The following TRAF3IP2 variants were observed in gnomAD, a reference collection of about 807,000 sequenced individuals.
TRAF3IP2 encodes the protein E3 ubiquitin ligase TRAF3IP2.
TRAF3IP2 carries 35 observed loss-of-function variants against 57.9 expected under a neutral mutation model. The ratio of observed to expected loss-of-function variants is 0.60; its 90% CI spans 0.46 to 0.80. The LOEUF is 0.80. TRAF3IP2 is among the 30% of genes least tolerant of loss of function. The pLI, the probability that TRAF3IP2 is intolerant of heterozygous loss-of-function variation, is 0.00. For synonymous variants in TRAF3IP2, 251 were observed against 268.9 expected, an observed-to-expected ratio of 0.93 and a Z score of 0.65; for missense variants, 556 against 706.4, an observed-to-expected ratio of 0.79 and a Z score of 2.41.
intron 5 of TRAF3IP2, 167 bp downstream of exon 5, chr6:111,572,728 A>T (rs1193162612): frequency 4.7e-6 from 3 of 640,418 alleles, no homozygotes; most frequent in Non-Finnish European, 8.0e-6. Flanking sequence ...AGATAGCTTA[A>T]AATCTAGAAA....
Position 111,591,200 on chromosome 6 carries a change from G to A in TRAF3IP2, c.829+58C>T. On this transcript the variant is annotated intron_variant, in intron 2 of 8. Transcript: ENST00000368761. The surrounding 1 kb of genome is among the most constrained non-coding windows in gnomAD (Gnocchi z 4.9). ...TAGTGACACGAAGCATTGATGTGAG[G>A]CCCTTGTTTCTTCAGTCACCCAGCC... 2 of 1,332,088 alleles carry A rather than the reference G, an allele frequency of 1.5e-6. No individual in the cohort carries two copies. The allele number at this position is 1,332,088 out of a possible 1,614,324, so 82.5% of individuals were successfully genotyped here.
At chr6:111,569,196 G>A (rs139908498) in intron 5 of TRAF3IP2, among the ~76,000 whole-genome samples, 5 of 152,334 alleles carry the variant, frequency 3.3e-5, no homozygotes, top group African/African-American at 1.2e-4. Flanking sequence ...TTCTGAGACT[G>A]TGTCACTAAT....
At chr6:111,604,506 G>A (rs1443106687) in intron 1 of TRAF3IP2, among the ~76,000 whole-genome samples, 2 of 152,240 alleles carry the variant, frequency 1.3e-5, no homozygotes, top group Non-Finnish European at 2.9e-5. Flanking sequence ...TCCTTCCTGG[G>A]TAACCCAAAT....
At position 111,567,635 on chromosome 6, in the gene TRAF3IP2, A is replaced by G; in HGVS notation, c.1348T>C (p.Tyr450His). The stretch of plus-strand genomic sequence containing the variant: ...TGGAATGTACTTACATCCCTAAGGT[A>G]GCGCTCCATCCATTTAATGATATCA... ...GIDIIKWMERYLRDKTVMIIV... is the reference protein window; with the variant it reads ...GIDIIKWMERHLRDKTVMIIV... The change falls in exon 6 of 9, where the codon TAC becomes CAC. Residue 450 changes from tyrosine to histidine, a missense_variant. Around this residue, in one of 2 missense-constraint regions of TRAF3IP2, gnomAD observed 128 missense variants for 207.7 expected, o/e 0.62. Transcript: ENST00000368761. 4.3e-6 allele frequency: 7 copies of G among 1,610,824 alleles called. No homozygotes were observed. The highest frequency in any genetic ancestry group is 5.9e-6 in the Non-Finnish European group (7 of 1,178,766).
At chr6:111,560,880 A>T (rs539507576) in intron 8 of TRAF3IP2, among the ~76,000 whole-genome samples, 68 of 152,176 alleles carry the variant, frequency 4.5e-4, no homozygotes, top group Non-Finnish European at 7.8e-4. Flanking sequence ...ATATATCAGC[A>T]TGAAGGTAAA....
At chr6:111,564,646 T>G (rs1795565061) in intron 7 of TRAF3IP2, among the ~76,000 whole-genome samples, 1 of 152,224 alleles carries the variant, frequency 6.6e-6, no homozygotes, top group South Asian at 2.1e-4. Context: ...AAGGCACTTC[T>G]GTGTCTGACC....
intron 7 of TRAF3IP2, among the ~76,000 whole-genome samples, chr6:111,563,894 A>G (rs1795535832): frequency 1.3e-5 from 2 of 152,284 alleles, no homozygotes; most frequent in South Asian, 4.1e-4. Context: ...GCTACCAAGA[A>G]CTCTCTCAAA....
At chr6:111,570,072 C>T (rs1795782111) in intron 5 of TRAF3IP2, among the ~76,000 whole-genome samples, 1 of 152,074 alleles carries the variant, frequency 6.6e-6, no homozygotes. Context: ...ATGTATGGGC[C>T]CTAATCCAAC....
At position 111,591,592 on chromosome 6, in the gene TRAF3IP2, A is replaced by G; in HGVS notation, c.495T>C (p.Asn165=). The G allele has an allele frequency of 6.2e-7, 1 of 1,614,220 alleles. No homozygotes were observed. Among genetic ancestry groups the G allele is most frequent in the Non-Finnish European group, 8.5e-7 (1 of 1,180,038 alleles). ...DSDKSDQSLP[N]ASADSLGGSQ... ...TACCGCCCAAGGAGTCTGCTGAGGC[A>G]TTAGGTAAACTTTGGTCTGATTTGT... The change falls in exon 2 of 9, where the codon AAT becomes AAC. Residue 165 remains asparagine (N), a synonymous_variant. Coordinates refer to ENST00000368761, the MANE Select transcript of TRAF3IP2 (RefSeq NM_147686.4). This position sits in a 1 kb window ranked among gnomAD's most constrained non-coding sequence, Gnocchi z 4.9.
In TRAF3IP2 at chr6:111,568,432, AGTGTGTGTGTGTGTGTGT is replaced by A. The variant is rs58088162; in HGVS notation, c.1291-758_1291-741del. The stretch of plus-strand genomic sequence containing the variant: ...TCTTGGGCTCAGGCTTATACTGCAG[AGTGTGTGTGTGTGTGTGT>A]GTGTGTGTGTGTGTGTGTGTGTGTG... On this transcript the variant is annotated intron_variant, in intron 5 of 8. Coordinates refer to ENST00000368761, the MANE Select transcript of TRAF3IP2 (RefSeq NM_147686.4). Among the ~76,000 whole-genome samples the A allele has an allele frequency of 1.4e-3, 208 of 146,822 alleles. 1 individual carries two copies. The highest frequency in any genetic ancestry group is 4.4e-3 in the African/African-American group (177 of 40,150).
chr6:111,563,539 G>A (rs555422969), intron 7 of TRAF3IP2, among the ~76,000 whole-genome samples: 2 of 152,286 alleles, frequency 1.3e-5, no homozygotes, highest in South Asian at 4.1e-4. Context: ...CCAGAGTGCC[G>A]GGTGAAAAGT....
At chr6:111,604,789 G>C (rs1796970708) in intron 1 of TRAF3IP2, among the ~76,000 whole-genome samples, 1 of 152,166 alleles carries the variant, frequency 6.6e-6, no homozygotes, top group South Asian at 2.1e-4. Flanking sequence ...TTTCCTCAAG[G>C]GGGTAACCAA....
At chr6:111,560,002 C>T (rs897795777) in intron 8 of TRAF3IP2, among the ~76,000 whole-genome samples, 3 of 152,186 alleles carry the variant, frequency 2.0e-5, no homozygotes, top group Non-Finnish European at 2.9e-5. Flanking sequence ...AGTGATCAGG[C>T]AGAGGCAGAA....
Position 111,591,949 on chromosome 6 carries a change from G to A in TRAF3IP2, c.138C>T (p.Ser46=), listed in dbSNP as rs529026568. The A allele has an allele frequency of 1.2e-6, 2 of 1,614,228 alleles. No homozygotes were observed. Among genetic ancestry groups the A allele is most frequent in the South Asian group, 1.1e-5 (1 of 91,086 alleles). ...TGTGAAGCATTGTGGGTGCAGACAA[G>A]CTGTTGGGTGCCATGTTCCTTATAT... ...APNIRNMAPN[S]LSAPTMLHNS... Residue 46 remains serine (S), a synonymous_variant, in exon 2 of 9, where the codon AGC becomes AGT. Coordinates refer to ENST00000368761, the MANE Select transcript of TRAF3IP2 (RefSeq NM_147686.4). This position sits in a 1 kb window ranked among gnomAD's most constrained non-coding sequence, Gnocchi z 4.9.
chr6:111,592,654 G>A (rs756001725), intron 1 of TRAF3IP2, among the ~76,000 whole-genome samples: 4 of 152,178 alleles, frequency 2.6e-5, no homozygotes, highest in Admixed American at 6.5e-5. Context: ...TGCCTTTGAG[G>A]ATGGAATTAA....
chr6:111,603,577 A>G (rs1160974909), intron 1 of TRAF3IP2, among the ~76,000 whole-genome samples: 4 of 152,264 alleles, frequency 2.6e-5, no homozygotes, highest in South Asian at 2.1e-4. Flanking sequence ...CGTGTAAAAC[A>G]AAGATTTCAT....
intron 2 of TRAF3IP2, among the ~76,000 whole-genome samples, chr6:111,587,455 A>G (rs1583236197): frequency 6.6e-6 from 1 of 151,934 alleles, no homozygotes; most frequent in African/African-American, 2.4e-5. Context: ...ACATTTCACC[A>G]TATTGGCCAG....
chr6:111,597,889 C>A (rs1796743685), intron 1 of TRAF3IP2: 1 of 455,900 alleles, frequency 2.2e-6, no homozygotes, highest in Non-Finnish European at 4.4e-6. Context: ...TTGCTCCAGT[C>A]TCTACCAGAG....
intron 2 of TRAF3IP2, among the ~76,000 whole-genome samples, chr6:111,581,776 G>A (rs557197509): frequency 3.0e-4 from 46 of 152,210 alleles, no homozygotes; most frequent in Non-Finnish European, 4.6e-4. Context: ...TCAGGAGTTC[G>A]AGACCAGCCT....
Sources: allele counts gnomAD v4.1 joint callset (sites outside exome capture counted in the v4.1 genomes callset), GRCh38; gene constraint gnomAD v4.1.1; regional missense constraint gnomAD v4.1.1; non-coding constraint Gnocchi (gnomAD v3.1); transcripts MANE v1.5; gene names NCBI Gene and HGNC (gene_info 2026-07-23, HGNC 2026-07-21).